ZDHHC15: variants seen among roughly 807,000 people sequenced by gnomAD.
ZDHHC15 encodes palmitoyltransferase ZDHHC15.
A neutral mutation model predicts 31.7 loss-of-function variants in ZDHHC15; 19 were observed. The ratio of observed to expected loss-of-function variants is 0.60; its 90% CI spans 0.42 to 0.88. The LOEUF is 0.88. ZDHHC15 is among the 40% of genes least tolerant of loss of function. The pLI is 0.00. For missense variants in ZDHHC15, 209 were observed against 251.2 expected (o/e 0.83, Z 1.14); for synonymous variants, 103 against 90.0 (o/e 1.14, Z -0.82).
intron 2 of ZDHHC15, among the ~76,000 whole-genome samples, chrX:75,498,432 A>G (rs1301742915): frequency 8.9e-6 from 1 of 111,948 alleles, no homozygotes; most frequent in Non-Finnish European, 1.9e-5. Context: ...TGGTCAATGA[A>G]TGCAGTAGTG....
intron 10 of ZDHHC15, among the ~76,000 whole-genome samples, chrX:75,416,178 C>A (rs1276466793): frequency 9.0e-6 from 1 of 111,464 alleles, no homozygotes; most frequent in African/African-American, 3.3e-5. Flanking sequence ...TAGTAACATG[C>A]TTTTCTCTAA....
chrX:75,455,133 G>A (rs1333648753), intron 3 of ZDHHC15, among the ~76,000 whole-genome samples: 1 of 111,921 alleles, frequency 8.9e-6, no homozygotes, highest in Non-Finnish European at 1.9e-5. Context: ...CAAGGCTACA[G>A]CAACCAAAAC....
At chrX:75,492,402 A>G (rs2084913275) in intron 2 of ZDHHC15, among the ~76,000 whole-genome samples, 1 of 111,177 alleles carries the variant, frequency 9.0e-6, no homozygotes, top group East Asian at 2.8e-4. Context: ...GATATCCAGG[A>G]ATTGAACTGA....
intron 6 of ZDHHC15, 21 bp downstream of exon 6, chrX:75,429,926 GA>G: frequency 8.3e-7 from 1 of 1,206,174 alleles, no homozygotes; most frequent in Non-Finnish European, 1.1e-6. Flanking sequence ...TTAGAGGAGA[GA>G]AATGAATCAA....
At chrX:75,427,116 G>A (rs1344947028) in intron 7 of ZDHHC15, among the ~76,000 whole-genome samples, 1 of 111,526 alleles carries the variant, frequency 9.0e-6, no homozygotes, top group Non-Finnish European at 1.9e-5. Context: ...TTATTTTAAG[G>A]GGATATTCAA....
chrX:75,498,393 C>G (rs1385577557), intron 2 of ZDHHC15, among the ~76,000 whole-genome samples: 1 of 111,466 alleles, frequency 9.0e-6, no homozygotes, highest in African/African-American at 3.3e-5. Context: ...CTAGAAAACC[C>G]TAAAGACTCA....
At chrX:75,508,935 T>C (rs905011508) in intron 1 of ZDHHC15, among the ~76,000 whole-genome samples, 2 of 111,604 alleles carry the variant, frequency 1.8e-5, no homozygotes, top group Non-Finnish European at 1.9e-5. Flanking sequence ...TTTGGCTGCA[T>C]AAATGTCTTC....
chrX:75,416,965 C>G (rs2083555700), intron 10 of ZDHHC15, 122 bp downstream of exon 10: 2 of 509,449 alleles, frequency 3.9e-6, no homozygotes, highest in Admixed American at 3.7e-5. Context: ...CATACTTGCT[C>G]TCCACCATCC....
chrX:75,496,567 A>G (rs2085003158), intron 2 of ZDHHC15, among the ~76,000 whole-genome samples: 1 of 112,044 alleles, frequency 8.9e-6, no homozygotes, highest in Non-Finnish European at 1.9e-5. Context: ...TCTTTTCATC[A>G]GCACATGGAA....
intron 2 of ZDHHC15, among the ~76,000 whole-genome samples, chrX:75,497,596 C>A (rs917591232): frequency 2.7e-5 from 3 of 111,355 alleles, no homozygotes; most frequent in Non-Finnish European, 5.7e-5. Flanking sequence ...ACTAGCTAAC[C>A]GAATCCAATA....
intron 3 of ZDHHC15, among the ~76,000 whole-genome samples, chrX:75,474,254 G>C (rs372625758): frequency 1.8e-5 from 2 of 109,506 alleles, no homozygotes; most frequent in South Asian, 4.0e-4. Flanking sequence ...GAAAAGACTA[G>C]ACTGGCCTAG....
At position 75,394,656 on chromosome X, in the gene ZDHHC15, A is replaced by G. The variant is rs150365808; in HGVS notation, c.968-15458T>C. 3.8e-3 allele frequency among the ~76,000 whole-genome samples: 429 copies of G among 112,126 alleles called. 1 individual carries two copies. Among genetic ancestry groups the G allele is most frequent in the African/African-American group, 0.013 (411 of 30,923 alleles). On this transcript the variant is annotated intron_variant, in intron 10 of 11. Transcript: ENST00000373367. Reference sequence around the variant, plus strand: ...TGATTATATAATGATAAAGGGGTCTATTCAGCAGGAGAATATAACAATTCT... The same window carrying G: ...TGATTATATAATGATAAAGGGGTCTGTTCAGCAGGAGAATATAACAATTCT...
chrX:75,505,896 TGAGAGA>T, intron 1 of ZDHHC15, 49 bp from the exon 2 acceptor site: 2 of 1,015,034 alleles, frequency 2.0e-6, no homozygotes, highest in Non-Finnish European at 2.8e-6. Flanking sequence ...CAGAGATGGA[TGAGAGA>T]GAGAGAGAGA....
intron 10 of ZDHHC15, among the ~76,000 whole-genome samples, chrX:75,405,485 G>A (rs1336851764): frequency 2.7e-5 from 3 of 111,375 alleles, no homozygotes; most frequent in South Asian, 3.8e-4. Flanking sequence ...GATACTCCAT[G>A]CAACTGGAAA....
At position 75,478,898 on chromosome X, in the gene ZDHHC15, T is replaced by A; in HGVS notation, c.251A>T (p.Asn84Ile). ...KSIFTLPQQP[N>I]QKFHLSYTDK... Reference sequence around the variant, plus strand: ...AGTAACCAATATTCTTACCTTCTGGTTTGGCTGCTGTGGGAGTGTAAAGAT... The same window carrying A: ...AGTAACCAATATTCTTACCTTCTGGATTGGCTGCTGTGGGAGTGTAAAGAT... Residue 84 changes from asparagine (N) to isoleucine (I), a missense_variant, in exon 3 of 12, where the codon AAC becomes ATC. Transcript: ENST00000373367. 8.3e-7 allele frequency: 1 copy of A among 1,197,668 alleles called. No homozygotes were observed. Among genetic ancestry groups the A allele is most frequent in the Non-Finnish European group, 1.1e-6 (1 of 885,610 alleles).
chrX:75,457,284 T>A (rs2084238492), intron 3 of ZDHHC15, among the ~76,000 whole-genome samples: 1 of 110,834 alleles, frequency 9.0e-6, no homozygotes. Flanking sequence ...CATTTGGATA[T>A]CCTCTTGTGA....
intron 8 of ZDHHC15, among the ~76,000 whole-genome samples, chrX:75,423,369 C>T (rs943879441): frequency 1.9e-5 from 2 of 106,752 alleles, no homozygotes; most frequent in African/African-American, 6.9e-5. Flanking sequence ...CAAGTAGGCC[C>T]CAGTGTCTGT....
At chrX:75,376,027 T>G (rs1182924451) in intron 11 of ZDHHC15, among the ~76,000 whole-genome samples, 1 of 111,831 alleles carries the variant, frequency 8.9e-6, no homozygotes, top group African/African-American at 3.2e-5. Context: ...CCATCAACAG[T>G]GTATAAGCAT....
intron 3 of ZDHHC15, among the ~76,000 whole-genome samples, chrX:75,453,103 T>G (rs999438800): frequency 9.0e-6 from 1 of 111,595 alleles, no homozygotes; most frequent in Non-Finnish European, 1.9e-5. Flanking sequence ...GAGCTGGTTT[T>G]TTTGAAAAGA....
Sources: gnomAD v4.1 joint callset for allele counts (sites outside exome capture counted in the v4.1 genomes callset) on GRCh38, gnomAD v4.1.1 for gene constraint, MANE v1.5 for transcripts, NCBI Gene and HGNC (gene_info 2026-07-23, HGNC 2026-07-21) for gene names.